DGKG: variants seen among roughly 807,000 people sequenced by gnomAD.
DGKG encodes the protein diacylglycerol kinase gamma.
DGKG carries 78 observed loss-of-function variants against 105.3 expected under a neutral mutation model. The observed-to-expected ratio is 0.74, with a 90% CI of 0.62 to 0.89. The LOEUF (loss-of-function observed/expected upper bound fraction) is 0.89, where lower values mean the gene tolerates loss of function less well. DGKG is among the 40% of genes least tolerant of loss of function. The probability of loss-of-function intolerance (pLI) is 0.00; values close to 1 mark genes in which losing one functional copy is unlikely to be tolerated. For missense variants in DGKG, 958 were observed against 1,020.1 expected, an observed-to-expected ratio of 0.94 and a Z score of 0.83; for synonymous variants, 346 against 367.1, an observed-to-expected ratio of 0.94 and a Z score of 0.66.
chr3:186,299,827 T>G (rs1187894328), intron 3 of DGKG, among the ~76,000 whole-genome samples: 1 of 107,346 alleles, frequency 9.3e-6, no homozygotes, highest in African/African-American at 3.4e-5. Context: ...CTTTCTTTCT[T>G]TCTTTCTTTC....
intron 20 of DGKG, among the ~76,000 whole-genome samples, chr3:186,222,413 G>C (rs1161671858): frequency 6.6e-6 from 1 of 152,156 alleles, no homozygotes; most frequent in African/African-American, 2.4e-5. Context: ...GAAAGGCCTG[G>C]GTTCAAGCCA....
chr3:186,225,968 A>G (rs965432989), intron 20 of DGKG, among the ~76,000 whole-genome samples: 2 of 152,234 alleles, frequency 1.3e-5, no homozygotes, highest in African/African-American at 4.8e-5. Context: ...CAAAGATCAC[A>G]TGCACAGAAA....
At chr3:186,164,808 C>T in intron 23 of DGKG, 90 bp downstream of exon 23, 1 of 1,465,924 alleles carries the variant, frequency 6.8e-7, no homozygotes, top group South Asian at 1.4e-5. Flanking sequence ...TCTCCCTGCC[C>T]TAAAATCCAA....
intron 22 of DGKG, among the ~76,000 whole-genome samples, chr3:186,175,067 T>A (rs1385370371): frequency 6.6e-6 from 1 of 152,122 alleles, no homozygotes; most frequent in African/African-American, 2.4e-5. Flanking sequence ...GGAATTGTGG[T>A]GTCTGTTCTG....
chr3:186,317,495 G>T (rs1009021028), intron 2 of DGKG, among the ~76,000 whole-genome samples: 1 of 152,084 alleles, frequency 6.6e-6, no homozygotes, highest in Non-Finnish European at 1.5e-5. Flanking sequence ...TTCCTTTCTA[G>T]TTCTTCCCCC....
At chr3:186,272,473 C>T in intron 10 of DGKG, 130 bp from the exon 11 acceptor site, 1 of 667,344 alleles carries the variant, frequency 1.5e-6, no homozygotes, top group Admixed American at 2.7e-5. Flanking sequence ...ACACATGGGG[C>T]TGGTCTTGCC....
intron 5 of DGKG, among the ~76,000 whole-genome samples, chr3:186,296,986 C>T (rs1269595051): frequency 6.6e-6 from 1 of 151,998 alleles, no homozygotes; most frequent in Non-Finnish European, 1.5e-5. Context: ...CTCTGTTCCT[C>T]TCCAGACATC....
In DGKG at chr3:186,206,113, C is replaced by T. The variant is rs555516239; in HGVS notation, c.1917+5682G>A. ...AAATATCAAGGAATTGGGCCAGGCA[C>T]AGTGGCTTATGCCTGTAATCCCAGC... is the stretch of plus-strand genomic sequence containing the variant. On this transcript the variant is annotated intron_variant, in intron 21 of 24. Coordinates refer to ENST00000265022, the MANE Select transcript of DGKG (RefSeq NM_001346.3). Among the ~76,000 whole-genome samples the T allele has an allele frequency of 3.4e-4, 52 of 152,266 alleles. 1 individual carries two copies. Among genetic ancestry groups the T allele is most frequent in the African/African-American group, 1.3e-3 (52 of 41,566 alleles).
At chr3:186,302,815 C>T (rs183795048) in intron 3 of DGKG, among the ~76,000 whole-genome samples, 2 of 151,942 alleles carry the variant, frequency 1.3e-5, no homozygotes, top group Non-Finnish European at 2.9e-5. Flanking sequence ...AAAGAGCTGA[C>T]AAACTGTTAT....
intron 1 of DGKG, among the ~76,000 whole-genome samples, chr3:186,359,829 A>G (rs950174526): frequency 1.3e-5 from 2 of 152,258 alleles, no homozygotes; most frequent in South Asian, 4.1e-4. Flanking sequence ...TGTTCTTTGC[A>G]TACTTTTCAA....
At chr3:186,273,598 C>T (rs563555508) in intron 10 of DGKG, among the ~76,000 whole-genome samples, 1 of 152,144 alleles carries the variant, frequency 6.6e-6, no homozygotes, top group Admixed American at 6.6e-5. Context: ...TGATCTTGGT[C>T]TCCTGACCTC....
At chr3:186,314,126 A>G (rs1343191527) in intron 2 of DGKG, among the ~76,000 whole-genome samples, 1 of 151,764 alleles carries the variant, frequency 6.6e-6, no homozygotes, top group Admixed American at 6.6e-5. Context: ...CTTTAATTAC[A>G]TCTTAAAATT....
chr3:186,176,761 G>A (rs564673979), intron 22 of DGKG, among the ~76,000 whole-genome samples: 5 of 152,238 alleles, frequency 3.3e-5, no homozygotes, highest in African/African-American at 7.2e-5. Flanking sequence ...CTGGCATCTA[G>A]TGCTAGATCC....
chr3:186,265,091 C>T (rs1043829369), intron 14 of DGKG, among the ~76,000 whole-genome samples, 156 bp downstream of exon 14: 9 of 152,186 alleles, frequency 5.9e-5, no homozygotes, highest in African/African-American at 2.2e-4. Flanking sequence ...AAGGTAACAC[C>T]AGAGGCCACA....
intron 23 of DGKG, among the ~76,000 whole-genome samples, chr3:186,162,883 C>G (rs575148063): frequency 6.6e-6 from 1 of 152,082 alleles, no homozygotes; most frequent in Non-Finnish European, 1.5e-5. Flanking sequence ...TAAGCACACT[C>G]TGGGGTTGCA....
At chr3:186,318,910 GT>G (rs1724946638) in intron 2 of DGKG, among the ~76,000 whole-genome samples, 1 of 152,186 alleles carries the variant, frequency 6.6e-6, no homozygotes, top group Non-Finnish European at 1.5e-5. Context: ...TCCACGCTTA[GT>G]TTATCCAGCT....
At chr3:186,355,734 CTACCACCAGCATCACCACCACCAT>C (rs951920359) in intron 1 of DGKG, among the ~76,000 whole-genome samples, 3 of 152,068 alleles carry the variant, frequency 2.0e-5, no homozygotes, top group Admixed American at 6.6e-5. Flanking sequence ...CATCACTGTC[CTACCACCAGCATCACCACCACCAT>C]TACCACCATC....
intron 21 of DGKG, among the ~76,000 whole-genome samples, chr3:186,194,640 C>G (rs937223648): frequency 6.6e-6 from 1 of 152,064 alleles, no homozygotes. Context: ...TTTGTCTGCT[C>G]TCAGGAATGA....
intron 1 of DGKG, among the ~76,000 whole-genome samples, chr3:186,343,130 C>T (rs1224600957): frequency 2.0e-5 from 3 of 152,140 alleles, no homozygotes; most frequent in South Asian, 2.1e-4. Flanking sequence ...ATTTTAGACC[C>T]ATAAGAGCAA....
Sources: allele counts gnomAD v4.1 joint callset (sites outside exome capture counted in the v4.1 genomes callset), GRCh38; gene constraint gnomAD v4.1.1; transcripts MANE v1.5; gene names NCBI Gene and HGNC (gene_info 2026-07-23, HGNC 2026-07-21).